SRGAP3: variants seen among roughly 807,000 people sequenced by gnomAD.
SRGAP3 encodes SLIT-ROBO Rho GTPase-activating protein 3.
Under a neutral mutation model 121.1 loss-of-function variants are expected in SRGAP3, and 39 were observed. The observed-to-expected ratio is 0.32, with a 90% CI of 0.25 to 0.42. SRGAP3 has a LOEUF of 0.42. Among genes scored for constraint, SRGAP3 ranks in the 10% least tolerant of loss-of-function variants. The pLI, the probability that SRGAP3 is intolerant of heterozygous loss-of-function variation, is 1.00. For missense variants in SRGAP3, 1,213 were observed against 1,470.6 expected, an observed-to-expected ratio of 0.82 and a Z score of 2.86; for synonymous variants, 601 against 570.0, an observed-to-expected ratio of 1.05 and a Z score of -0.77.
intron 3 of SRGAP3, among the ~76,000 whole-genome samples, chr3:9,311,622 A>T (rs912410330): frequency 6.6e-6 from 1 of 152,222 alleles, no homozygotes; most frequent in Non-Finnish European, 1.5e-5. Flanking sequence ...TATCATTTTC[A>T]CATGTCACAA....
At position 9,075,830 on chromosome 3, in the gene SRGAP3, A is replaced by T. The variant is rs570379501; in HGVS notation, c.486+4195T>A. ...TGTATAACCAGGCATGGTAACTAGA[A>T]AGTGCTCAAAAGAAATCCCTAGCAA... On this transcript the variant is annotated intron_variant, in intron 4 of 21. Transcript: ENST00000383836. Among the ~76,000 whole-genome samples the T allele has an allele frequency of 8.7e-4, 133 of 152,336 alleles. No individual in the cohort carries two copies. In the Middle Eastern group the frequency reaches 0.01, roughly 12 times the overall value.
At position 9,015,743 on chromosome 3, in the gene SRGAP3, C is replaced by T; in HGVS notation, c.1679-12G>A. 1 of 1,613,986 alleles carries T rather than the reference C, an allele frequency of 6.2e-7. No individual in the cohort carries two copies. Among genetic ancestry groups the T allele is most frequent in the Non-Finnish European group, 8.5e-7 (1 of 1,180,004 alleles). ...AAGGGGGTCTTCACCTGAGTGGAAA[C>T]AAGAGACGAGATGATATTTCAGCTT... On this transcript the variant is annotated splice_polypyrimidine_tract_variant and intron_variant, in intron 14 of 21. Coordinates refer to ENST00000383836, the MANE Select transcript of SRGAP3 (RefSeq NM_014850.4).
At chr3:9,035,015 G>A (rs951147513) in intron 11 of SRGAP3, 1 of 152,084 alleles carries the variant, frequency 6.6e-6, no homozygotes, top group Non-Finnish European at 1.5e-5. Context: ...TTACATACAA[G>A]GCCAGTGAGC....
chr3:9,242,475 A>G (rs1323183780), intron 1 of SRGAP3, among the ~76,000 whole-genome samples: 5 of 152,078 alleles, frequency 3.3e-5, no homozygotes, highest in African/African-American at 1.2e-4. Context: ...TCTCTACCGA[A>G]AATACAAAAA....
chr3:9,329,320 T>C (rs1955566964), intron 2 of SRGAP3, among the ~76,000 whole-genome samples: 1 of 152,150 alleles, frequency 6.6e-6, no homozygotes, highest in African/African-American at 2.4e-5. Flanking sequence ...GCTTCTGGGT[T>C]TCCTTTCCCT....
chr3:9,018,659 C>T (rs1471733532), intron 14 of SRGAP3, among the ~76,000 whole-genome samples: 6 of 152,176 alleles, frequency 3.9e-5, no homozygotes, highest in African/African-American at 1.2e-4. Context: ...AATGTATGAT[C>T]GGAGTACATG....
rs370587143 is a variant in SRGAP3 at position 9,056,191 on chromosome 3, C to T, written c.1125+42G>A. 1.9e-6 allele frequency: 3 copies of T among 1,602,702 alleles called. No homozygotes were observed. The African/African-American group carries it at 4.0e-5, about 21-fold the overall frequency. ...GTGGACTCCCTGGGACAAGCCAGGC[C>T]TTCCAAAGAAAATCCCTTATAGGGC... On this transcript the variant is annotated intron_variant, in intron 8 of 21. Coordinates refer to ENST00000383836, the MANE Select transcript of SRGAP3 (RefSeq NM_014850.4).
At chr3:9,127,114 G>A (rs1396038831) in intron 1 of SRGAP3, among the ~76,000 whole-genome samples, 30 of 151,968 alleles carry the variant, frequency 2.0e-4, no homozygotes, top group Admixed American at 2.0e-3. Context: ...TTGAGGCCAG[G>A]GGCTCAAGAC....
intron 1 of SRGAP3, among the ~76,000 whole-genome samples, chr3:9,248,064 G>A (rs556207963): frequency 6.6e-6 from 1 of 152,222 alleles, no homozygotes; most frequent in Non-Finnish European, 1.5e-5. Context: ...GTATACACCC[G>A]GTGGCACAGA....
In SRGAP3 at chr3:9,042,768, T is replaced by C. The variant is rs1192599344; in HGVS notation, c.1408+4623A>G. On this transcript the variant is annotated intron_variant, in intron 10 of 21. Transcript: ENST00000383836. ...TCCTGTTAGAGCTGATGGCAGCCCA[T>C]GAAAGTGGTCAGGCGATGGCCTGGG... Among the ~76,000 whole-genome samples, 6 of 152,336 alleles carry C rather than the reference T, an allele frequency of 3.9e-5. No homozygotes were observed. In the South Asian group the frequency reaches 8.3e-4, roughly 21 times the overall value.
At chr3:9,211,665 CTTTTT>C (rs1193329370) in intron 1 of SRGAP3, among the ~76,000 whole-genome samples, 1 of 121,144 alleles carries the variant, frequency 8.3e-6, no homozygotes, top group Non-Finnish European at 1.7e-5. Context: ...TCTTTCTTTT[CTTTTT>C]TTTTTTTTTT....
chr3:9,208,602 T>G (rs1952343079), intron 1 of SRGAP3, among the ~76,000 whole-genome samples: 1 of 152,218 alleles, frequency 6.6e-6, no homozygotes, highest in Admixed American at 6.5e-5. Context: ...GTCAGTGGCC[T>G]TCTCACCATA....
In SRGAP3 at chr3:9,065,940, T is replaced by C. The variant is rs369850166; in HGVS notation, c.487-1359A>G. On this transcript the variant is annotated intron_variant, in intron 4 of 21. Coordinates refer to ENST00000383836, the MANE Select transcript of SRGAP3 (RefSeq NM_014850.4). ...CTCACTTTTAATCCACCACTTTTTCTACCAGATCATCCTAGATTGTCTGTA... is the reference window on the plus strand; with the variant it reads ...CTCACTTTTAATCCACCACTTTTTCCACCAGATCATCCTAGATTGTCTGTA... Among the ~76,000 whole-genome samples, 6 of 152,200 alleles carry C rather than the reference T, an allele frequency of 3.9e-5. No homozygotes were observed. The East Asian group carries it at 9.6e-4, about 24-fold the overall frequency.
At chr3:9,211,170 A>G (rs963290662) in intron 1 of SRGAP3, among the ~76,000 whole-genome samples, 2 of 152,220 alleles carry the variant, frequency 1.3e-5, no homozygotes, top group African/African-American at 4.8e-5. Context: ...TTTATAATTA[A>G]AGATACACAC....
intron 20 of SRGAP3, among the ~76,000 whole-genome samples, chr3:8,992,234 G>A (rs773723851): frequency 6.6e-6 from 1 of 152,170 alleles, no homozygotes; most frequent in Non-Finnish European, 1.5e-5. Context: ...CATTTTGAGA[G>A]TGTGACTAAA....
chr3:9,278,694 G>C (rs568207061), intron 3 of SRGAP3, among the ~76,000 whole-genome samples: 1 of 152,152 alleles, frequency 6.6e-6, no homozygotes, highest in Non-Finnish European at 1.5e-5. Context: ...CACAGCAGCC[G>C]GGTATCCTGG....
intron 1 of SRGAP3, among the ~76,000 whole-genome samples, chr3:9,234,127 C>A (rs931471292): frequency 2.0e-4 from 31 of 152,102 alleles, no homozygotes; most frequent in African/African-American, 7.2e-4. Context: ...AGCTGAGGGT[C>A]ACGGGACAAA....
At chr3:9,217,270 G>C (rs994499317) in intron 1 of SRGAP3, 4 of 152,150 alleles carry the variant, frequency 2.6e-5, no homozygotes, top group Non-Finnish European at 5.9e-5. Flanking sequence ...CCAGCCCTAA[G>C]GTCTAAATGA....
At chr3:9,225,431 C>T (rs778344165) in intron 1 of SRGAP3, among the ~76,000 whole-genome samples, 2 of 152,146 alleles carry the variant, frequency 1.3e-5, no homozygotes, top group African/African-American at 4.8e-5. Flanking sequence ...GTGGAAGTTA[C>T]CAGGTTGAAG....
Sources: gnomAD v4.1 joint callset for allele counts (sites outside exome capture counted in the v4.1 genomes callset) on GRCh38, gnomAD v4.1.1 for gene constraint, MANE v1.5 for transcripts, NCBI Gene and HGNC (gene_info 2026-07-23, HGNC 2026-07-21) for gene names.